KCNIP4: variants seen among roughly 807,000 people sequenced by gnomAD.
KCNIP4 encodes the protein Kv channel-interacting protein 4.
In KCNIP4, 12 loss-of-function variants were observed where a neutral mutation model predicts 34.0. That is an observed-to-expected ratio of 0.35 (90% confidence interval 0.23 to 0.57). The LOEUF (loss-of-function observed/expected upper bound fraction) is 0.57. KCNIP4 is among the 20% of genes least tolerant of loss of function. The pLI is 0.83. For missense variants in KCNIP4, 238 were observed against 311.7 expected (o/e 0.76, Z 1.78); for synonymous variants, 124 against 102.2 (o/e 1.21, Z -1.29).
chr4:21,074,294 AATT>A (rs1480259770), intron 1 of KCNIP4, among the ~76,000 whole-genome samples: 1 of 152,036 alleles, frequency 6.6e-6, no homozygotes, highest in African/African-American at 2.4e-5. Flanking sequence ...GTAAGCTATT[AATT>A]ATTGCCTCAA....
chr4:21,436,631 G>A (rs114536752), intron 1 of KCNIP4, among the ~76,000 whole-genome samples: 1,584 of 152,248 alleles, frequency 0.01, 28 homozygotes, highest in African/African-American at 0.036. Flanking sequence ...TGCACTTTCT[G>A]TCTGTGTAAC....
At chr4:21,499,428 A>G (rs967391086) in intron 1 of KCNIP4, among the ~76,000 whole-genome samples, 1 of 151,982 alleles carries the variant, frequency 6.6e-6, no homozygotes, top group African/African-American at 2.4e-5. Context: ...CTACATATGC[A>G]TTGATTACAA....
At chr4:21,104,969 C>G (rs1320200510) in intron 1 of KCNIP4, among the ~76,000 whole-genome samples, 1 of 151,674 alleles carries the variant, frequency 6.6e-6, no homozygotes, top group Non-Finnish European at 1.5e-5. Flanking sequence ...TGTTTTGGTA[C>G]AAGTACCATG....
intron 1 of KCNIP4, among the ~76,000 whole-genome samples, chr4:21,782,234 C>T (rs4352466): frequency 0.64 from 97,487 of 151,944 alleles, 32,393 homozygotes; most frequent in Non-Finnish European, 0.73. Context: ...GATATATATA[C>T]GTGGAAAGTA....
intron 1 of KCNIP4, among the ~76,000 whole-genome samples, chr4:21,913,126 C>T (rs1465313341): frequency 1.3e-5 from 2 of 151,800 alleles, no homozygotes; most frequent in African/African-American, 4.8e-5. Flanking sequence ...AAGTAGTGGG[C>T]CTTTAAAAGG....
intron 1 of KCNIP4, among the ~76,000 whole-genome samples, chr4:21,451,230 G>A (rs1008504480): frequency 3.3e-5 from 5 of 152,092 alleles, no homozygotes; most frequent in African/African-American, 4.8e-5. Flanking sequence ...AATGAGCAAC[G>A]AGATCTCTTT....
At chr4:21,506,006 G>T (rs1056492166) in intron 1 of KCNIP4, among the ~76,000 whole-genome samples, 1 of 152,142 alleles carries the variant, frequency 6.6e-6, no homozygotes, top group Admixed American at 6.5e-5. Flanking sequence ...CGGAGGCTGA[G>T]GCAGGAGAAT....
Position 20,729,980 on chromosome 4 carries a change from C to A in KCNIP4, c.*102G>T. 1 of 1,311,060 alleles carries A rather than the reference C, an allele frequency of 7.6e-7. No homozygotes were observed. The highest frequency in any genetic ancestry group is 1.0e-6 in the Non-Finnish European group (1 of 974,748). 81.2% of individuals were successfully genotyped at this position (1,311,060 alleles called of 1,614,324 possible). ...CAAAGCTTGTTTGCATAATATGCTT[C>A]AGTGTCAAGCTGAGCAATCTATGCT... On this transcript the variant is annotated 3_prime_UTR_variant, in exon 9 of 9. Transcript: ENST00000382152.
intron 1 of KCNIP4, among the ~76,000 whole-genome samples, chr4:21,228,255 TA>T (rs1317397957): frequency 6.6e-6 from 1 of 152,116 alleles, no homozygotes; most frequent in African/African-American, 2.4e-5. Flanking sequence ...AGTGAGTTCT[TA>T]CAAGATCTGA....
At chr4:21,880,255 C>A (rs1433665649) in intron 1 of KCNIP4, among the ~76,000 whole-genome samples, 1 of 151,996 alleles carries the variant, frequency 6.6e-6, no homozygotes, top group African/African-American at 2.4e-5. Context: ...TTAAAAATAG[C>A]CTAATGGAAA....
intron 1 of KCNIP4, among the ~76,000 whole-genome samples, chr4:21,073,895 C>G (rs561902046): frequency 3.9e-5 from 6 of 152,228 alleles, no homozygotes; most frequent in African/African-American, 1.4e-4. Context: ...TTGAGATAAT[C>G]ATGTGGTTTT....
In KCNIP4 at chr4:21,105,130, A is replaced by G. The variant is rs1382318295; in HGVS notation, c.62-222421T>C. On this transcript the variant is annotated intron_variant, in intron 1 of 8. Coordinates refer to ENST00000382152, the MANE Select transcript of KCNIP4 (RefSeq NM_025221.6). ...AAAGTAGTTTTTTTCCAATTCTGTG[A>G]AGAAAGTCATTGGTAGCTTGATGGG... is the stretch of plus-strand genomic sequence containing the variant. Among the ~76,000 whole-genome samples, 11 of 151,728 alleles carry G rather than the reference A, an allele frequency of 7.2e-5. 1 individual carries two copies. Among genetic ancestry groups the G allele is most frequent in the African/African-American group, 2.4e-4 (10 of 41,036 alleles).
chr4:21,368,387 T>C (rs1451068646), intron 1 of KCNIP4, among the ~76,000 whole-genome samples: 1 of 147,198 alleles, frequency 6.8e-6, no homozygotes, highest in Non-Finnish European at 1.5e-5. Flanking sequence ...CTAATACACG[T>C]GCTTATGTAA....
At chr4:21,435,213 T>C (rs1348110813) in intron 1 of KCNIP4, among the ~76,000 whole-genome samples, 2 of 152,080 alleles carry the variant, frequency 1.3e-5, no homozygotes, top group Non-Finnish European at 2.9e-5. Context: ...TGTTGAAAAA[T>C]GTAAACCAAG....
At chr4:21,798,429 G>C (rs920612967) in intron 1 of KCNIP4, among the ~76,000 whole-genome samples, 1 of 82,176 alleles carries the variant, frequency 1.2e-5, no homozygotes, top group African/African-American at 3.0e-5. Flanking sequence ...ATATATATTT[G>C]CTGGGTGTGG....
At chr4:21,729,397 C>G (rs17496681) in intron 1 of KCNIP4, among the ~76,000 whole-genome samples, 3 of 151,974 alleles carry the variant, frequency 2.0e-5, no homozygotes, top group Admixed American at 6.6e-5. Flanking sequence ...TTTTCTGGCC[C>G]TAGTACTAAT....
chr4:21,469,505 A>C (rs1730274791), intron 1 of KCNIP4, among the ~76,000 whole-genome samples: 1 of 152,202 alleles, frequency 6.6e-6, no homozygotes, highest in Non-Finnish European at 1.5e-5. Context: ...CATCTTAAAA[A>C]CATGATTACA....
chr4:20,982,970 A>C (rs1391036229), intron 1 of KCNIP4, among the ~76,000 whole-genome samples: 1 of 152,254 alleles, frequency 6.6e-6, no homozygotes, highest in Non-Finnish European at 1.5e-5. Flanking sequence ...TTGCATGTAG[A>C]ATTGATATCA....
chr4:21,322,168 G>GGAAGGAAGGAAGGAGGGAGGGAGGGACA (rs1272196091), intron 1 of KCNIP4, among the ~76,000 whole-genome samples: 19 of 150,646 alleles, frequency 1.3e-4, no homozygotes, highest in African/African-American at 4.6e-4. Context: ...AAGGAAGGAA[G>GGAAGGAAGGAAGGAGGGAGGGAGGGACA]GAAGGAAGGA....
Sources: allele counts gnomAD v4.1 joint callset (sites outside exome capture counted in the v4.1 genomes callset), GRCh38; gene constraint gnomAD v4.1.1; transcripts MANE v1.5; gene names NCBI Gene and HGNC (gene_info 2026-07-23, HGNC 2026-07-21).